Variants in GDAP1L1 observed in about 807,000 individuals in gnomAD.
GDAP1L1 encodes ganglioside-induced differentiation-associated protein 1-like 1.
GDAP1L1 carries 21 observed loss-of-function variants against 37.1 expected under a neutral mutation model. The ratio of observed to expected loss-of-function variants is 0.57; its 90% CI spans 0.40 to 0.81. The LOEUF (loss-of-function observed/expected upper bound fraction) is 0.81. Among genes scored for constraint, GDAP1L1 ranks in the 40% least tolerant of loss-of-function variants. The probability of loss-of-function intolerance (pLI) is 0.00; values close to 1 mark genes in which losing one functional copy is unlikely to be tolerated. For synonymous variants in GDAP1L1, 193 were observed against 209.1 expected (o/e 0.92, Z 0.67); for missense variants, 362 against 491.6 (o/e 0.74, Z 2.49).
At chr20:44,270,232 G>A (rs958521579) in intron 5 of GDAP1L1, among the ~76,000 whole-genome samples, 26 of 145,218 alleles carry the variant, frequency 1.8e-4, no homozygotes, top group African/African-American at 5.3e-4. Flanking sequence ...GTGCAGTGGC[G>A]GGATCTCGGC....
Position 44,254,421 on chromosome 20 carries a change from T to C in GDAP1L1, c.181-2732T>C, listed in dbSNP as rs112202476. Among the ~76,000 whole-genome samples the C allele has an allele frequency of 8.3e-3, 1,271 of 152,296 alleles. 18 individuals are homozygous for C. Among genetic ancestry groups the C allele is most frequent in the African/African-American group, 0.028 (1,176 of 41,576 alleles). On this transcript the variant is annotated intron_variant, in intron 1 of 5. Transcript: ENST00000342560. Reference sequence around the variant, plus strand: ...AGGCTGCTCACTCTCTGCAACAGTTTTTCCCCCTCTCTCAGACAGAACGAG... The same window carrying C: ...AGGCTGCTCACTCTCTGCAACAGTTCTTCCCCCTCTCTCAGACAGAACGAG...
In GDAP1L1 at chr20:44,262,458, G is replaced by T. The variant is rs2073689955; in HGVS notation, c.548-772G>T. ...ATGCTGCAATTTGGGAAGAATGCAG[G>T]GGGAGAAGCAGTGAGGCAGGGAAGA... is the stretch of plus-strand genomic sequence containing the variant. On this transcript the variant is annotated intron_variant, in intron 3 of 5. Transcript: ENST00000342560. Among the ~76,000 whole-genome samples, 4 of 152,056 alleles carry T rather than the reference G, an allele frequency of 2.6e-5. No individual in the cohort carries two copies. In the South Asian group the frequency reaches 8.3e-4, roughly 32 times the overall value.
intron 5 of GDAP1L1, among the ~76,000 whole-genome samples, chr20:44,276,716 AG>A (rs142114663): frequency 0.21 from 32,055 of 152,198 alleles, 3,814 homozygotes; most frequent in African/African-American, 0.31. Flanking sequence ...ATTGTATGCC[AG>A]GCACAGTTCT....
At chr20:44,276,403 G>GAA (rs1280436191) in intron 5 of GDAP1L1, among the ~76,000 whole-genome samples, 1 of 43,692 alleles carries the variant, frequency 2.3e-5, no homozygotes, top group African/African-American at 1.0e-4. Context: ...GAAAGGGAAA[G>GAA]AAAAAAGAAA....
intron 5 of GDAP1L1, among the ~76,000 whole-genome samples, chr20:44,277,052 T>C (rs181254270): frequency 6.4e-4 from 98 of 152,296 alleles, no homozygotes; most frequent in African/African-American, 2.3e-3. Flanking sequence ...GAGATGGGGT[T>C]TCGCTCTTGT....
chr20:44,257,380 T>C (rs1440417005), intron 2 of GDAP1L1, 35 bp downstream of exon 2: 2 of 1,588,788 alleles, frequency 1.3e-6, no homozygotes, highest in Admixed American at 1.7e-5. Flanking sequence ...GCCCACTCCA[T>C]ACCACAGATC....
At position 44,280,746 on chromosome 20, in the gene GDAP1L1, A is replaced by C. The variant is rs1329601722; in HGVS notation, c.*1446A>C. 6.6e-6 allele frequency: 1 copy of C among 152,054 alleles called. No individual in the cohort carries two copies. The highest frequency in any genetic ancestry group is 2.4e-5 in the African/African-American group (1 of 41,396). The allele number at this position is 152,054 out of a possible 1,614,324, so 9.4% of individuals were successfully genotyped here. A position where few individuals can be genotyped will look rare whatever the true frequency, so the allele number is the denominator to read the frequency against. The stretch of plus-strand genomic sequence containing the variant: ...AGTTCAAGACAAGCCTGGGCAATAT[A>C]GCGAGACCCCATCTCTAGAAAATAA... On this transcript the variant is annotated 3_prime_UTR_variant, in exon 6 of 6. Coordinates refer to ENST00000342560, the MANE Select transcript of GDAP1L1 (RefSeq NM_024034.6).
At chr20:44,256,987 C>T (rs2073561353) in intron 1 of GDAP1L1, among the ~76,000 whole-genome samples, 166 bp from the exon 2 acceptor site, 1 of 152,196 alleles carries the variant, frequency 6.6e-6, no homozygotes, top group African/African-American at 2.4e-5. Context: ...GCACATGCCC[C>T]TGGGAGATAT....
chr20:44,250,223 G>A (rs962816628), intron 1 of GDAP1L1, among the ~76,000 whole-genome samples: 2 of 152,194 alleles, frequency 1.3e-5, no homozygotes. Flanking sequence ...GACAGTGTGT[G>A]GGTCCAGGCC....
At chr20:44,251,721 C>T (rs1046471684) in intron 1 of GDAP1L1, among the ~76,000 whole-genome samples, 3 of 152,240 alleles carry the variant, frequency 2.0e-5, no homozygotes, top group African/African-American at 7.2e-5. Context: ...TCAATGGCCT[C>T]AGGCCCTCCT....
intron 1 of GDAP1L1, among the ~76,000 whole-genome samples, chr20:44,248,064 C>A (rs1421564700): frequency 6.6e-6 from 1 of 152,198 alleles, no homozygotes; most frequent in African/African-American, 2.4e-5. Flanking sequence ...GCCCACCCCC[C>A]ACTCCGTGTC....
intron 1 of GDAP1L1, among the ~76,000 whole-genome samples, chr20:44,250,836 G>T (rs868089146): frequency 6.6e-6 from 1 of 152,158 alleles, no homozygotes; most frequent in African/African-American, 2.4e-5. Flanking sequence ...GGGCAAAAAA[G>T]CATAGAGTCA....
At position 44,247,339 on chromosome 20, in the gene GDAP1L1, C is replaced by A. The variant is rs1469894118; in HGVS notation, c.5C>A (p.Ala2Glu). The part of the protein sequence containing the change: M[A>E]TPNNLTPTNC... ...TGCCTCTGATTCCGGGCTGTCATGG[C>A]GACCCCCAACAATCTGACCCCCACC... Residue 2 changes from alanine to glutamate, a missense_variant, in exon 1 of 6, where the codon GCG becomes GAG. Physicochemically the swap from Ala to Glu is moderately radical, Grantham distance 107 (BLOSUM62 -1). Around this residue, in one of 2 missense-constraint regions of GDAP1L1, gnomAD observed 277 missense variants for 337.1 expected, o/e 0.82. Transcript: ENST00000342560. 3 of 1,613,300 alleles carry A rather than the reference C, an allele frequency of 1.9e-6. No individual in the cohort carries two copies. Among genetic ancestry groups the A allele is most frequent in the Admixed American group, 1.7e-5 (1 of 59,986 alleles).
At chr20:44,257,009 C>A in intron 1 of GDAP1L1, 144 bp from the exon 2 acceptor site, 1 of 844,984 alleles carries the variant, frequency 1.2e-6, no homozygotes, top group Non-Finnish European at 1.8e-6. Flanking sequence ...CCCCCAAACC[C>A]AGGTGCCCAA....
chr20:44,254,361 G>A (rs545913353), intron 1 of GDAP1L1, among the ~76,000 whole-genome samples: 20 of 152,096 alleles, frequency 1.3e-4, no homozygotes, highest in African/African-American at 4.3e-4. Context: ...TCATACACAC[G>A]CACTCACACT....
chr20:44,270,728 G>A (rs1360315227), intron 5 of GDAP1L1, among the ~76,000 whole-genome samples: 1 of 152,180 alleles, frequency 6.6e-6, no homozygotes, highest in East Asian at 1.9e-4. Flanking sequence ...CTTACCATGT[G>A]GGCCTCTCAA....
In GDAP1L1 at chr20:44,257,290, C is replaced by T. The variant is rs1439959289; in HGVS notation, c.318C>T (p.Asn106=). The T allele has an allele frequency of 1.9e-6, 3 of 1,613,938 alleles. No individual in the cohort carries two copies. Among genetic ancestry groups the T allele is most frequent in the East Asian group, 2.2e-5 (1 of 44,898 alleles). ...EEVPVIIHRD[N]IISDYDQIID... ...TGCCCGTCATCATCCACCGCGACAACATCATCAGTGACTATGACCAGATCA... is the reference window on the plus strand; with the variant it reads ...TGCCCGTCATCATCCACCGCGACAATATCATCAGTGACTATGACCAGATCA... The change falls in exon 2 of 6, where the codon AAC becomes AAT. Residue 106 remains asparagine, a synonymous_variant. Transcript: ENST00000342560.
intron 1 of GDAP1L1, among the ~76,000 whole-genome samples, chr20:44,256,759 T>C (rs937550448): frequency 6.6e-5 from 10 of 152,142 alleles, no homozygotes; most frequent in Middle Eastern, 3.2e-3. Context: ...CGATCACAAA[T>C]TGAGTGCCAA....
Position 44,257,357 on chromosome 20 carries a change from TC to T in GDAP1L1, c.373+16del. 1 of 1,608,246 alleles carries T rather than the reference TC, an allele frequency of 6.2e-7. No homozygotes were observed. The highest frequency in any genetic ancestry group is 2.2e-5 in the East Asian group (1 of 44,780). ...CACCTTCACAGGAGGTACGGCTGCC[TC>T]CCCACCCAGGGGCCCACTCCATACC... On this transcript the variant is annotated intron_variant, in intron 2 of 5. Transcript: ENST00000342560.
Sources: allele counts gnomAD v4.1 joint callset (sites outside exome capture counted in the v4.1 genomes callset), GRCh38; gene constraint gnomAD v4.1.1; regional missense constraint gnomAD v4.1.1; transcripts MANE v1.5; gene names NCBI Gene and HGNC (gene_info 2026-07-23, HGNC 2026-07-21).